Variants in FAM83B observed in about 807,000 individuals in gnomAD.
FAM83B encodes protein FAM83B.
Under a neutral mutation model 38.8 loss-of-function variants are expected in FAM83B, and 26 were observed. The observed-to-expected ratio is 0.67, with a 90% CI of 0.49 to 0.93. FAM83B has a LOEUF of 0.93. FAM83B is among the 40% of genes least tolerant of loss of function. The pLI is 0.00. For missense variants in FAM83B, 1,237 were observed against 1,197.3 expected, an observed-to-expected ratio of 1.03 and a Z score of -0.49; for synonymous variants, 419 against 423.1, an observed-to-expected ratio of 0.99 and a Z score of 0.12.
chr6:54,924,205 AC>A (rs1773234607), intron 2 of FAM83B, among the ~76,000 whole-genome samples: 1 of 151,526 alleles, frequency 6.6e-6, no homozygotes, highest in African/African-American at 2.4e-5. Flanking sequence ...ACACACACAC[AC>A]ACACACACAC....
chr6:54,922,080 G>A (rs903167394), intron 2 of FAM83B, among the ~76,000 whole-genome samples: 2 of 151,970 alleles, frequency 1.3e-5, no homozygotes, highest in East Asian at 1.9e-4. Context: ...CTGATCCAGC[G>A]TATTATTTTG....
rs1339209013 is a variant in FAM83B at position 54,941,057 on chromosome 6, C to G, written c.2086C>G (p.Pro696Ala). 6 of 1,613,394 alleles carry G rather than the reference C, an allele frequency of 3.7e-6. No homozygotes were observed. Among genetic ancestry groups the G allele is most frequent in the African/African-American group, 2.7e-5 (2 of 74,944 alleles). Reference sequence around the variant, plus strand: ...ACTTACCAGGAATCGAGTTAGACAACCAGAAAAGCCCAAAGAAGATTTGCT... The same window carrying G: ...ACTTACCAGGAATCGAGTTAGACAAGCAGAAAAGCCCAAAGAAGATTTGCT... ...STLTRNRVRQ[P>A]EKPKEDLLKS... The change falls in exon 5 of 5, where the codon CCA becomes GCA. Residue 696 changes from proline (P) to alanine (A), a missense_variant. Physicochemically the swap from Pro to Ala is conservative, Grantham distance 27. Coordinates refer to ENST00000306858, the MANE Select transcript of FAM83B (RefSeq NM_001010872.3).
intron 2 of FAM83B, among the ~76,000 whole-genome samples, chr6:54,911,599 G>A (rs764530698): frequency 7.2e-5 from 11 of 151,836 alleles, no homozygotes; most frequent in East Asian, 3.9e-4. Context: ...TTTGTATTTC[G>A]TAAGGTCAGT....
At chr6:54,900,854 A>G (rs2127582204) in intron 2 of FAM83B, among the ~76,000 whole-genome samples, 1 of 152,326 alleles carries the variant, frequency 6.6e-6, no homozygotes, top group African/African-American at 2.4e-5. Flanking sequence ...AGGCTGGGAA[A>G]TGTGGGCATA....
At chr6:54,860,412 C>CT (rs1771552184) in intron 1 of FAM83B, among the ~76,000 whole-genome samples, 1 of 152,014 alleles carries the variant, frequency 6.6e-6, no homozygotes, top group South Asian at 2.1e-4. Flanking sequence ...GAGTTGTATC[C>CT]TTTATTGTAT....
chr6:54,848,813 A>G (rs376285660), intron 1 of FAM83B, among the ~76,000 whole-genome samples: 1 of 152,204 alleles, frequency 6.6e-6, no homozygotes, highest in African/African-American at 2.4e-5. Context: ...CTTCTAATAC[A>G]TAAATCTGGT....
rs527900502 is a variant in FAM83B, at chr6:54,929,935, G to A, written c.734+2303G>A. Among the ~76,000 whole-genome samples, 37 of 152,056 alleles carry A rather than the reference G, an allele frequency of 2.4e-4. 1 individual carries two copies. The East Asian group carries it at 3.5e-3, about 14-fold the overall frequency. On this transcript the variant is annotated intron_variant, in intron 4 of 4. Coordinates refer to ENST00000306858, the MANE Select transcript of FAM83B (RefSeq NM_001010872.3). ...TGTTTTCCATCTCTAGCCAACTCTG[G>A]TCCTGATCTCCAGATGCAGTTGCTC...
chr6:54,870,753 A>G, intron 2 of FAM83B, 63 bp downstream of exon 2: 1 of 1,397,356 alleles, frequency 7.2e-7, no homozygotes, highest in Non-Finnish European at 9.7e-7. Flanking sequence ...AGAGAGTAAT[A>G]ACACAAATAT....
intron 2 of FAM83B, among the ~76,000 whole-genome samples, chr6:54,917,520 A>T (rs1773073562): frequency 6.6e-6 from 1 of 152,122 alleles, no homozygotes; most frequent in African/African-American, 2.4e-5. Context: ...ATTGGTGAAA[A>T]TAACAAAGCC....
intron 1 of FAM83B, among the ~76,000 whole-genome samples, chr6:54,853,821 G>T (rs773485666): frequency 4.6e-5 from 7 of 152,158 alleles, no homozygotes; most frequent in Non-Finnish European, 7.3e-5. Flanking sequence ...ATTTCATAAA[G>T]CTATAGCTGC....
At chr6:54,898,707 G>A (rs150499414) in intron 2 of FAM83B, among the ~76,000 whole-genome samples, 134 of 152,002 alleles carry the variant, frequency 8.8e-4, no homozygotes, top group Non-Finnish European at 3.2e-4. Context: ...CCTCTTTCCC[G>A]TACCTTTCCC....
intron 2 of FAM83B, among the ~76,000 whole-genome samples, chr6:54,892,633 T>C (rs1352130900): frequency 6.6e-6 from 1 of 151,386 alleles, no homozygotes; most frequent in Non-Finnish European, 1.5e-5. Context: ...AATCTTTCCT[T>C]TCCCTTTTTT....
Position 54,879,588 on chromosome 6 carries a change from C to T in FAM83B, c.444+8898C>T, listed in dbSNP as rs144478973. Among the ~76,000 whole-genome samples the T allele has an allele frequency of 8.7e-4, 133 of 152,094 alleles. 1 individual carries two copies. The highest frequency in any genetic ancestry group is 3.1e-3 in the African/African-American group (130 of 41,472). On this transcript the variant is annotated intron_variant, in intron 2 of 4. Transcript: ENST00000306858. ...TGGTGGAGAGCTGGGCATTTTCAGA[C>T]AGCGGGGGAGCGTGAGAGAAGTAGA...
intron 1 of FAM83B, among the ~76,000 whole-genome samples, chr6:54,854,549 G>A (rs1183729762): frequency 1.3e-5 from 2 of 152,186 alleles, no homozygotes; most frequent in East Asian, 1.9e-4. Flanking sequence ...ATGATAGTTA[G>A]CATTTCTTTA....
At chr6:54,923,117 T>C (rs1404305187) in intron 2 of FAM83B, among the ~76,000 whole-genome samples, 1 of 152,086 alleles carries the variant, frequency 6.6e-6, no homozygotes, top group Admixed American at 6.6e-5. Flanking sequence ...TCACGGCCAT[T>C]TTTTTCATCC....
Position 54,943,426 on chromosome 6 carries a change from G to A in FAM83B, c.*1419G>A, listed in dbSNP as rs953107880. On this transcript the variant is annotated 3_prime_UTR_variant, in exon 5 of 5. Coordinates refer to ENST00000306858, the MANE Select transcript of FAM83B (RefSeq NM_001010872.3). ...GAGTTCAAGAAGCAGTGCATCCTGTGAGAAGTGTGAAGTGTTTGTACATCA... is the reference window on the plus strand; with the variant it reads ...GAGTTCAAGAAGCAGTGCATCCTGTAAGAAGTGTGAAGTGTTTGTACATCA... 1 of 152,144 alleles carries A rather than the reference G, an allele frequency of 6.6e-6. No homozygotes were observed. Among genetic ancestry groups the A allele is most frequent in the Non-Finnish European group, 1.5e-5 (1 of 68,034 alleles). The allele number at this position is 152,144 out of a possible 1,614,324, so 9.4% of individuals were successfully genotyped here. A position where few individuals can be genotyped will look rare whatever the true frequency, so the allele number is the denominator to read the frequency against.
intron 2 of FAM83B, among the ~76,000 whole-genome samples, chr6:54,892,469 A>G (rs1772428237): frequency 1.3e-5 from 2 of 151,614 alleles, no homozygotes; most frequent in African/African-American, 4.8e-5. Flanking sequence ...TCCTCTCTAT[A>G]TGTCCATGTG....
intron 2 of FAM83B, among the ~76,000 whole-genome samples, chr6:54,897,518 A>G (rs1201526414): frequency 6.6e-6 from 1 of 152,154 alleles, no homozygotes; most frequent in African/African-American, 2.4e-5. Flanking sequence ...AACAGTTTCC[A>G]TCTGAAAACT....
rs1308711870 is a variant in FAM83B at position 54,944,539 on chromosome 6, G to C, written c.*2532G>C. The C allele has an allele frequency of 6.6e-6, 1 of 152,154 alleles. No individual in the cohort carries two copies. Among genetic ancestry groups the C allele is most frequent in the African/African-American group, 2.4e-5 (1 of 41,432 alleles). The allele number at this position is 152,154 out of a possible 1,614,324, so 9.4% of individuals were successfully genotyped here. A position where few individuals can be genotyped will look rare whatever the true frequency, so the allele number is the denominator to read the frequency against. On this transcript the variant is annotated 3_prime_UTR_variant, in exon 5 of 5. Transcript: ENST00000306858. ...CATAATTCTGACATGGTGTGTTCAG[G>C]TATGGGTATATGTTGTCAGTCTACA...
Sources: allele counts gnomAD v4.1 joint callset (sites outside exome capture counted in the v4.1 genomes callset), GRCh38; gene constraint gnomAD v4.1.1; transcripts MANE v1.5; gene names NCBI Gene and HGNC (gene_info 2026-07-23, HGNC 2026-07-21).